Variants in COG6 observed in about 807,000 individuals in gnomAD.
The protein encoded by COG6 is component of oligomeric golgi complex 6.
A neutral mutation model predicts 88.8 loss-of-function variants in COG6; 74 were observed. The observed-to-expected ratio is 0.83, with a 90% confidence interval of 0.69 to 1.01. The LOEUF is 1.01. Ranked by LOEUF, COG6 falls within the 50% of genes least tolerant of loss-of-function variation. The pLI is 0.00. For synonymous variants in COG6, 286 were observed against 278.7 expected, an observed-to-expected ratio of 1.03 and a Z score of -0.26; for missense variants, 800 against 797.9, an observed-to-expected ratio of 1.00 and a Z score of -0.03.
At chr13:39,669,433 T>C (rs2137965525) in intron 4 of COG6, among the ~76,000 whole-genome samples, 1 of 152,364 alleles carries the variant, frequency 6.6e-6, no homozygotes, top group Non-Finnish European at 1.5e-5. Context: ...ATTTTTAGTG[T>C]AATAGGTATT....
chr13:39,771,395 A>G (rs145613026), intron 18 of COG6, among the ~76,000 whole-genome samples: 45 of 152,328 alleles, frequency 3.0e-4, no homozygotes, highest in Admixed American at 1.9e-3. Context: ...GGAGGGAGTT[A>G]TAGTGAGGGG....
At chr13:39,749,304 T>C (rs1379506715) in intron 18 of COG6, among the ~76,000 whole-genome samples, 1 of 152,224 alleles carries the variant, frequency 6.6e-6, no homozygotes, top group African/African-American at 2.4e-5. Flanking sequence ...ATTCAAAATA[T>C]ACTGGGTTTT....
chr13:39,695,030 T>TG (rs1566183545), intron 12 of COG6, among the ~76,000 whole-genome samples: 1 of 151,232 alleles, frequency 6.6e-6, no homozygotes, highest in African/African-American at 2.4e-5. Flanking sequence ...TAAGTCTTTA[T>TG]TGAGTCTTCC....
At chr13:39,708,913 C>T (rs1878089160) in intron 13 of COG6, among the ~76,000 whole-genome samples, 1 of 151,444 alleles carries the variant, frequency 6.6e-6, no homozygotes, top group South Asian at 2.1e-4. Context: ...TGCTGCGATG[C>T]AGGTATAGCC....
chr13:39,788,427 A>G, exon 19 of COG6: 1 of 1,472,402 alleles, frequency 6.8e-7, no homozygotes, highest in Non-Finnish European at 9.3e-7. Flanking sequence ...TGTCTCGGAA[A>G]ACTCTGCCTT....
chr13:39,674,347 T>G (rs1281141865), intron 4 of COG6, among the ~76,000 whole-genome samples: 1 of 152,154 alleles, frequency 6.6e-6, no homozygotes, highest in Non-Finnish European at 1.5e-5. Flanking sequence ...TTATATCTTA[T>G]GTCCATTTAA....
In COG6 at chr13:39,751,051, T is replaced by G. The variant is rs753140363; in HGVS notation, c.1932T>G (p.Ile644Met). The G allele has an allele frequency of 1.9e-6, 3 of 1,613,706 alleles. No homozygotes were observed. Among genetic ancestry groups the G allele is most frequent in the Non-Finnish European group, 2.5e-6 (3 of 1,179,798 alleles). ...PINEYKDPEN[I>M]LHRSPQQVQT... is the part of the protein sequence containing the mutation. ...ATGAATACAAAGATCCAGAGAACAT[T>G]CTTCACCGATCGCCGCAGCAAGTGC... is the stretch of plus-strand genomic sequence containing the variant. Residue 644 changes from isoleucine (I) to methionine (M), a missense_variant, in exon 19 of 19, where the codon ATT becomes ATG. Transcript: ENST00000455146.
chr13:39,731,511 T>C (rs1879452522), intron 18 of COG6, among the ~76,000 whole-genome samples: 1 of 152,182 alleles, frequency 6.6e-6, no homozygotes, highest in Non-Finnish European at 1.5e-5. Flanking sequence ...GAAACCACAG[T>C]TGTGCATATA....
intron 18 of COG6, among the ~76,000 whole-genome samples, chr13:39,728,463 A>G (rs1026720636): frequency 3.8e-5 from 5 of 132,746 alleles, no homozygotes; most frequent in Non-Finnish European, 6.5e-5. Flanking sequence ...CTGGAAATCT[A>G]TGGACCACTT....
At chr13:39,724,209 C>T (rs1879007063) in intron 16 of COG6, among the ~76,000 whole-genome samples, 1 of 151,944 alleles carries the variant, frequency 6.6e-6, no homozygotes, top group South Asian at 2.1e-4. Context: ...TTCAAGCCTC[C>T]ATGTGTCACT....
exon 19 of COG6, chr13:39,788,505 A>G: frequency 2.9e-6 from 2 of 696,424 alleles, no homozygotes; most frequent in Non-Finnish European, 5.0e-6. Context: ...GTGACTCTTC[A>G]TCTGGTGGAA....
chr13:39,657,757 T>C (rs1393791112), intron 1 of COG6, among the ~76,000 whole-genome samples: 1 of 152,196 alleles, frequency 6.6e-6, no homozygotes. Context: ...TGTCCTGGGC[T>C]TGGTTCTCTG....
At chr13:39,787,469 C>T (rs895528025) in intron 18 of COG6, among the ~76,000 whole-genome samples, 1 of 152,072 alleles carries the variant, frequency 6.6e-6, no homozygotes, top group Non-Finnish European at 1.5e-5. Flanking sequence ...AGATGAGAAA[C>T]AGATTAACTA....
chr13:39,706,409 T>G (rs1002479948), intron 13 of COG6, among the ~76,000 whole-genome samples: 2 of 150,984 alleles, frequency 1.3e-5, no homozygotes, highest in African/African-American at 4.8e-5. Flanking sequence ...AACAGAAAAT[T>G]ATAGGACCTT....
intron 18 of COG6, among the ~76,000 whole-genome samples, chr13:39,730,001 G>A (rs1879348041): frequency 6.6e-6 from 1 of 151,382 alleles, no homozygotes; most frequent in Admixed American, 6.6e-5. Context: ...GAAATTAAAT[G>A]TTTGTCTTCC....
chr13:39,718,006 C>T (rs1878623864), intron 13 of COG6, among the ~76,000 whole-genome samples: 1 of 152,082 alleles, frequency 6.6e-6, no homozygotes, highest in Admixed American at 6.6e-5. Flanking sequence ...TGTTTTCATA[C>T]TTTAGTTCTT....
intron 8 of COG6, among the ~76,000 whole-genome samples, chr13:39,684,530 G>A (rs149768421): frequency 0.059 from 9,021 of 152,102 alleles, 383 homozygotes; most frequent in Non-Finnish European, 0.095. Context: ...GATTACAGGC[G>A]TGAGCCACCG....
intron 18 of COG6, among the ~76,000 whole-genome samples, chr13:39,759,989 A>G (rs1381850339): frequency 6.6e-6 from 1 of 152,222 alleles, no homozygotes; most frequent in Non-Finnish European, 1.5e-5. Context: ...AAGCCAGTCT[A>G]GGATTTCAAA....
intron 1 of COG6, among the ~76,000 whole-genome samples, chr13:39,656,544 C>A (rs1241122290): frequency 6.6e-6 from 1 of 151,884 alleles, no homozygotes; most frequent in Non-Finnish European, 1.5e-5. Flanking sequence ...CCTCACATAC[C>A]CAGCCATCTC....
Sources: allele counts gnomAD v4.1 joint callset (sites outside exome capture counted in the v4.1 genomes callset), GRCh38; gene constraint gnomAD v4.1.1; transcripts MANE v1.5; gene names NCBI Gene and HGNC (gene_info 2026-07-23, HGNC 2026-07-21).